The following STK11IP variants were observed in gnomAD, a reference collection of about 807,000 sequenced individuals.
STK11IP encodes serine/threonine-protein kinase 11-interacting protein.
STK11IP carries 103 observed loss-of-function variants against 131.7 expected under a neutral mutation model. The observed-to-expected ratio is 0.78, with a 90% CI of 0.67 to 0.92. The LOEUF (loss-of-function observed/expected upper bound fraction) is 0.92. STK11IP is among the 40% of genes least tolerant of loss of function. The pLI is 0.00. For synonymous variants in STK11IP, 557 were observed against 575.6 expected, an observed-to-expected ratio of 0.97 and a Z score of 0.46; for missense variants, 1,315 against 1,385.7, an observed-to-expected ratio of 0.95 and a Z score of 0.81.
intron 7 of STK11IP, among the ~76,000 whole-genome samples, chr2:219,604,712 G>A (rs1051737317): frequency 2.6e-5 from 4 of 152,198 alleles, no homozygotes; most frequent in Admixed American, 6.5e-5. Flanking sequence ...AGTGGCAACC[G>A]ATGGATTTCT....
In STK11IP at chr2:219,613,801, G is replaced by A. The variant is rs1698485912; in HGVS notation, c.2587G>A (p.Asp863Asn). ...LQLTLAVPLQ[D>N]LSGIELGLAG... is the part of the protein sequence containing the mutation. ...GCTGACCCTGGCTGTTCCCCTGCAG[G>A]ATCTGAGTGGCATAGAGCTGGGCCT... The change falls in exon 21 of 25, where the codon GAT (aspartate) becomes AAT (asparagine). Residue 863 changes from aspartate to asparagine, a missense_variant. Asp to Asn is a conservative substitution (Grantham distance 23). Coordinates refer to ENST00000456909, the MANE Select transcript of STK11IP (RefSeq NM_052902.4). 1 of 1,612,256 alleles carries A rather than the reference G, an allele frequency of 6.2e-7. No homozygotes were observed. The highest frequency in any genetic ancestry group is 8.5e-7 in the Non-Finnish European group (1 of 1,179,680).
intron 17 of STK11IP, 52 bp from the exon 18 acceptor site, chr2:219,611,552 G>A: frequency 1.4e-6 from 2 of 1,439,494 alleles, no homozygotes; most frequent in Non-Finnish European, 1.9e-6. Context: ...CATGGTGGGA[G>A]TTGTGGCACT....
At position 219,600,464 on chromosome 2, in the gene STK11IP, A is replaced by G. The variant is rs143835125; in HGVS notation, c.62-771A>G. Among the ~76,000 whole-genome samples the G allele has an allele frequency of 9.2e-5, 14 of 152,324 alleles. No homozygotes were observed. The East Asian group carries it at 2.3e-3, about 25-fold the overall frequency. ...TGTAACCATTAGGGAAAACTGGGTAAAGGATACAGGGGACCTTTCTGTATT... is the reference window on the plus strand; with the variant it reads ...TGTAACCATTAGGGAAAACTGGGTAGAGGATACAGGGGACCTTTCTGTATT... On this transcript the variant is annotated intron_variant, in intron 2 of 24. Transcript: ENST00000456909.
At chr2:219,598,602 C>T (rs1697877707) in intron 2 of STK11IP, 2 of 161,964 alleles carry the variant, frequency 1.2e-5, no homozygotes, top group Admixed American at 1.3e-4. Flanking sequence ...ATACTGTTTC[C>T]TGAGGCTCAG....
chr2:219,612,643 G>A (rs1698433133), intron 19 of STK11IP, among the ~76,000 whole-genome samples: 1 of 152,192 alleles, frequency 6.6e-6, no homozygotes, highest in Non-Finnish European at 1.5e-5. Flanking sequence ...GCAAATGCAT[G>A]GAGGCCCGAG....
chr2:219,605,402 C>T, intron 7 of STK11IP: 1 of 510,724 alleles, frequency 2.0e-6, no homozygotes. Context: ...TTGCCATGCT[C>T]AGGGTGTGGC....
chr2:219,614,240 CTGGTGAGTCGA>C lies in STK11IP; in HGVS notation c.2798_2798+10del, dbSNP rs750673213. 6.2e-7 allele frequency: 1 copy of C among 1,613,308 alleles called. No homozygotes were observed. Among genetic ancestry groups the C allele is most frequent in the South Asian group, 1.1e-5 (1 of 91,084 alleles). ...AGGAGGTCACCCCCCAGCACCGGCT[CTGGTGAGTCGA>C]TAGGAGGCAGAGGCTGGGGTTGCTG... On this transcript the variant is annotated splice_donor_variant and splice_donor_5th_base_variant and coding_sequence_variant and intron_variant, in exon 22 of 25. Transcript: ENST00000456909. LOFTEE classifies it high-confidence loss of function.
intron 24 of STK11IP, 118 bp downstream of exon 24, chr2:219,615,459 A>C (rs1574635020): frequency 7.4e-7 from 1 of 1,356,312 alleles, no homozygotes; most frequent in East Asian, 2.4e-5. Context: ...GCAGGATGGC[A>C]CTTACAGATG....
At position 219,611,631 on chromosome 2, in the gene STK11IP, G is replaced by A; in HGVS notation, c.2132G>A (p.Gly711Asp). Residue 711 changes from glycine to aspartate, a missense_variant, in exon 18 of 25, where the codon GGT (glycine) becomes GAT (aspartate). Transcript: ENST00000456909. Reference sequence around the variant, plus strand: ...TCTCCTGCTGTGTGTCCTAACTGTGGTAGTGACCACGTGGTTCTCCTCGCT... The same window carrying A: ...TCTCCTGCTGTGTGTCCTAACTGTGATAGTGACCACGTGGTTCTCCTCGCT... Reference protein sequence around the residue: ...TESPAVCPNCGSDHVVLLAVS... With the variant: ...TESPAVCPNCDSDHVVLLAVS... The A allele has an allele frequency of 6.2e-7, 1 of 1,613,188 alleles. No homozygotes were observed. Among genetic ancestry groups the A allele is most frequent in the East Asian group, 2.2e-5 (1 of 44,876 alleles).
At chr2:219,606,579 A>G (rs1698171811) in intron 11 of STK11IP, 62 bp downstream of exon 11, 10 of 1,609,926 alleles carry the variant, frequency 6.2e-6, no homozygotes, top group Non-Finnish European at 8.5e-6. Context: ...CGCTGGGGAG[A>G]GAACAGAGGG....
In STK11IP at chr2:219,608,152, A is replaced by T; in HGVS notation, c.1325A>T (p.Asn442Ile). 1 of 1,613,366 alleles carries T rather than the reference A, an allele frequency of 6.2e-7. No individual in the cohort carries two copies. Among genetic ancestry groups the T allele is most frequent in the Non-Finnish European group, 8.5e-7 (1 of 1,179,836 alleles). Reference sequence around the variant, plus strand: ...AGGAGTCACCTGGAGCCCTCCGGAAACCCTCTGCCGGCCACCCCCACTACT... The same window carrying T: ...AGGAGTCACCTGGAGCCCTCCGGAATCCCTCTGCCGGCCACCCCCACTACT... ...QYRSHLEPSGNPLPATPTTSA... is the reference protein window; with the variant it reads ...QYRSHLEPSGIPLPATPTTSA... The change falls in exon 14 of 25, where the codon AAC (asparagine) becomes ATC (isoleucine). Residue 442 changes from asparagine to isoleucine, a missense_variant. Coordinates refer to ENST00000456909, the MANE Select transcript of STK11IP (RefSeq NM_052902.4).
At chr2:219,614,448 C>A in intron 22 of STK11IP, 28 bp from the exon 23 acceptor site, 2 of 1,611,706 alleles carry the variant, frequency 1.2e-6, no homozygotes, top group Non-Finnish European at 1.7e-6. Context: ...GCTAGCTGAT[C>A]TTCCTGTGCC....
At chr2:219,614,349 T>C in intron 22 of STK11IP, 107 bp downstream of exon 22, 2 of 1,522,358 alleles carry the variant, frequency 1.3e-6, no homozygotes. Context: ...CCTGTCCTCA[T>C]GCCATGCCCC....
At chr2:219,607,784 G>T (rs1389900395) in intron 13 of STK11IP, among the ~76,000 whole-genome samples, 1 of 152,146 alleles carries the variant, frequency 6.6e-6, no homozygotes, top group African/African-American at 2.4e-5. Context: ...GTCAGCTGCC[G>T]GCCGTCTCGG....
chr2:219,607,255 G>A, intron 13 of STK11IP, 118 bp downstream of exon 13: 1 of 960,562 alleles, frequency 1.0e-6, no homozygotes, highest in Non-Finnish European at 1.6e-6. Context: ...GAGTATTATA[G>A]AGGGCTTCTT....
rs750577551 is a variant in STK11IP at position 219,612,012 on chromosome 2, T to A, written c.2393T>A (p.Val798Asp). 3 of 1,605,866 alleles carry A rather than the reference T, an allele frequency of 1.9e-6. No individual in the cohort carries two copies. The highest frequency in any genetic ancestry group is 2.5e-6 in the Non-Finnish European group (3 of 1,177,044). The change falls in exon 19 of 25, where the codon GTT becomes GAT. Residue 798 changes from valine (V) to aspartate (D), a missense_variant. By Grantham distance (152) the Val-to-Asp change is radical. Coordinates refer to ENST00000456909, the MANE Select transcript of STK11IP (RefSeq NM_052902.4). ...VDHRLRLFLD[V>D]EVFSDAQEEF... ...CACCGACTCCGGCTCTTCCTGGATG[T>A]TGAGGTGTTCAGCGATGCCCAGGAG...
rs1460188874 is a variant in STK11IP at position 219,615,921 on chromosome 2, C to G, written c.3118-123C>G. On this transcript the variant is annotated intron_variant, in intron 24 of 24. Coordinates refer to ENST00000456909, the MANE Select transcript of STK11IP (RefSeq NM_052902.4). The stretch of plus-strand genomic sequence containing the variant: ...GATCTTTTATGGGGAGTGACATGGG[C>G]CTGGGGAAGGGGAGAGGCACTGAGC... 2.1e-5 allele frequency: 27 copies of G among 1,256,120 alleles called. No individual in the cohort carries two copies. The Middle Eastern group carries it at 5.8e-4, about 27-fold the overall frequency. The allele number at this position is 1,256,120 out of a possible 1,614,324, so 77.8% of individuals were successfully genotyped here.
At chr2:219,615,878 T>G in intron 24 of STK11IP, 166 bp from the exon 25 acceptor site, 1 of 932,780 alleles carries the variant, frequency 1.1e-6, no homozygotes, top group Non-Finnish European at 1.7e-6. Context: ...GGATTCTGTT[T>G]ACAAAGCTCA....
At chr2:219,613,727 A>C in intron 20 of STK11IP, 25 bp from the exon 21 acceptor site, 4 of 1,611,944 alleles carry the variant, frequency 2.5e-6, no homozygotes, top group Non-Finnish European at 3.4e-6. Flanking sequence ...ATGCTTCTCC[A>C]TTGCTCTGTC....
Sources: allele counts gnomAD v4.1 joint callset (sites outside exome capture counted in the v4.1 genomes callset), GRCh38; gene constraint gnomAD v4.1.1; transcripts MANE v1.5; gene names NCBI Gene and HGNC (gene_info 2026-07-23, HGNC 2026-07-21).